Variants in ANKRD30BL observed in about 807,000 individuals in gnomAD.
The protein encoded by ANKRD30BL is putative ankyrin repeat domain-containing protein 30B-like.
A neutral mutation model predicts 18.4 loss-of-function variants in ANKRD30BL; 20 were observed. The ratio of observed to expected loss-of-function variants is 1.09; its 90% CI spans 0.77 to 1.58. The LOEUF (loss-of-function observed/expected upper bound fraction) is 1.58. ANKRD30BL is among the 40% of genes most tolerant of loss of function. The pLI is 0.00. For missense variants in ANKRD30BL, 224 were observed against 268.6 expected, an observed-to-expected ratio of 0.83 and a Z score of 1.16; for synonymous variants, 72 against 100.9, an observed-to-expected ratio of 0.71 and a Z score of 1.72.
In ANKRD30BL at chr2:132,224,575, C is replaced by T. The variant is rs568785834; in HGVS notation, n.441+32954G>A. Among the ~76,000 whole-genome samples the T allele has an allele frequency of 3.2e-3, 490 of 152,208 alleles. 4 individuals are homozygous for T. Among genetic ancestry groups the T allele is most frequent in the African/African-American group, 0.011 (475 of 41,536 alleles). ...CTTTTGATAGAGCAGGTTTGAAACACTCATTTTGTAGAATCTCCAAATGGA... is the reference window on the plus strand; with the variant it reads ...CTTTTGATAGAGCAGGTTTGAAACATTCATTTTGTAGAATCTCCAAATGGA... On this transcript the variant is annotated intron_variant and non_coding_transcript_variant, in intron 1 of 4. Transcript: ENST00000470729.
chr2:132,252,219 C>T (rs76727598), intron 1 of ANKRD30BL, among the ~76,000 whole-genome samples: 1 of 152,222 alleles, frequency 6.6e-6, no homozygotes, highest in African/African-American at 2.4e-5. Flanking sequence ...TACTGGGAGG[C>T]CACCCCTACA....
At position 132,175,713 on chromosome 2, in the gene ANKRD30BL, C is replaced by T. The variant is rs190391482; in HGVS notation, n.442-18567G>A. ...CGGCTTTCCAGGGCAGAGGTCCCTG[C>T]GGCTTTCCGCAGTGCATTGTGCCCC... On this transcript the variant is annotated intron_variant and non_coding_transcript_variant, in intron 1 of 4. Coordinates refer to the ANKRD30BL transcript ENST00000470729. Among the ~76,000 whole-genome samples the T allele has an allele frequency of 2.7e-3, 413 of 152,350 alleles. 4 individuals carry two copies. The highest frequency in any genetic ancestry group is 3.4e-3 in the Middle Eastern group (1 of 294).
rs577295160 is a variant in ANKRD30BL, at chr2:132,239,777, C to A, written n.441+17752G>T. On this transcript the variant is annotated intron_variant and non_coding_transcript_variant, in intron 1 of 4. Transcript: ENST00000470729. Reference sequence around the variant, plus strand: ...AGTTTCACTAAGTGGACATTTGGAGCGCTTTGAGGCCTAGGGTGAAAAAGG... The same window carrying A: ...AGTTTCACTAAGTGGACATTTGGAGAGCTTTGAGGCCTAGGGTGAAAAAGG... Among the ~76,000 whole-genome samples, 23 of 151,142 alleles carry A rather than the reference C, an allele frequency of 1.5e-4. 1 individual carries two copies. Among genetic ancestry groups the A allele is most frequent in the African/African-American group, 5.6e-4 (23 of 41,228 alleles).
intron 1 of ANKRD30BL, among the ~76,000 whole-genome samples, chr2:132,225,992 G>A (rs1289364489): frequency 1.3e-5 from 2 of 152,002 alleles, no homozygotes; most frequent in Non-Finnish European, 2.9e-5. Context: ...TGAGGCCTAT[G>A]TTGGAAAAGG....
chr2:132,209,882 T>C (rs1679297733), intron 1 of ANKRD30BL, among the ~76,000 whole-genome samples: 1 of 152,096 alleles, frequency 6.6e-6, no homozygotes, highest in African/African-American at 2.4e-5. Flanking sequence ...ACAGAAGCAT[T>C]CTGAGAAACT....
chr2:132,198,327 T>TCTTTCTTTCC (rs1230671782), intron 1 of ANKRD30BL, among the ~76,000 whole-genome samples: 1 of 122,970 alleles, frequency 8.1e-6, no homozygotes, highest in Non-Finnish European at 1.6e-5. Context: ...TTTCTTTCTT[T>TCTTTCTTTCC]TTTTTTTTTT....
At chr2:132,239,104 C>A (rs571156412) in intron 1 of ANKRD30BL, among the ~76,000 whole-genome samples, 2 of 151,256 alleles carry the variant, frequency 1.3e-5, no homozygotes, top group Admixed American at 6.6e-5. Flanking sequence ...AGCGCTTTAG[C>A]GCCTGTGGTA....
intron 1 of ANKRD30BL, among the ~76,000 whole-genome samples, chr2:132,230,363 C>A (rs1278740999): frequency 2.0e-5 from 3 of 151,660 alleles, no homozygotes; most frequent in Non-Finnish European, 4.4e-5. Flanking sequence ...GTACATTCAA[C>A]TCACAGAGTT....
At chr2:132,205,052 A>G (rs1042182943) in intron 1 of ANKRD30BL, among the ~76,000 whole-genome samples, 1 of 152,242 alleles carries the variant, frequency 6.6e-6, no homozygotes, top group African/African-American at 2.4e-5. Context: ...TGGGAATTTT[A>G]TACACATATG....
intron 1 of ANKRD30BL, among the ~76,000 whole-genome samples, chr2:132,194,045 T>C (rs1002055479): frequency 1.5e-5 from 2 of 129,114 alleles, no homozygotes; most frequent in African/African-American, 6.6e-5. Context: ...TCTCTCTCTC[T>C]CTCTCTCTCT....
intron 1 of ANKRD30BL, among the ~76,000 whole-genome samples, chr2:132,189,962 C>A (rs1011183559): frequency 4.0e-5 from 6 of 151,884 alleles, no homozygotes; most frequent in African/African-American, 1.4e-4. Flanking sequence ...TATAGCACAG[C>A]AAATCAAAGG....
chr2:132,171,086 C>T (rs1213145037), intron 1 of ANKRD30BL, among the ~76,000 whole-genome samples: 2 of 149,646 alleles, frequency 1.3e-5, no homozygotes, highest in Non-Finnish European at 3.0e-5. Flanking sequence ...AACCCGGAGG[C>T]GGAGCCTGCA....
chr2:132,205,156 A>C (rs1679185713), intron 1 of ANKRD30BL, among the ~76,000 whole-genome samples: 2 of 152,128 alleles, frequency 1.3e-5, no homozygotes, highest in South Asian at 4.1e-4. Context: ...GGTATGCAGA[A>C]TTTTCTAAGC....
chr2:132,226,048 A>C (rs76080955), intron 1 of ANKRD30BL, among the ~76,000 whole-genome samples: 1 of 151,304 alleles, frequency 6.6e-6, no homozygotes, highest in Non-Finnish European at 1.5e-5. Context: ...TCAAAAACTT[A>C]TTTGTGATGT....
chr2:132,180,358 TC>T (rs1481482301), intron 1 of ANKRD30BL, among the ~76,000 whole-genome samples: 2 of 152,166 alleles, frequency 1.3e-5, no homozygotes, highest in East Asian at 3.9e-4. Context: ...CTGCATATAC[TC>T]TACCATATAC....
chr2:132,255,478 G>A (rs866391897), intron 1 of ANKRD30BL, among the ~76,000 whole-genome samples: 20 of 150,300 alleles, frequency 1.3e-4, no homozygotes, highest in Middle Eastern at 3.4e-3. Context: ...GCAGGGACGG[G>A]CTGTGGCTCG....
chr2:132,201,513 T>TA (rs1193575775), intron 1 of ANKRD30BL, among the ~76,000 whole-genome samples: 5 of 152,318 alleles, frequency 3.3e-5, no homozygotes, highest in African/African-American at 1.2e-4. Flanking sequence ...AAAGAAGACA[T>TA]TTATGCAGGC....
intron 1 of ANKRD30BL, among the ~76,000 whole-genome samples, chr2:132,253,962 G>A (rs1353080083): frequency 5.3e-5 from 8 of 151,868 alleles, no homozygotes; most frequent in Non-Finnish European, 8.8e-5. Context: ...CAAAGGGAGT[G>A]GGCAGGATGG....
intron 1 of ANKRD30BL, among the ~76,000 whole-genome samples, chr2:132,220,690 C>T (rs1679650060): frequency 6.6e-6 from 1 of 152,126 alleles, no homozygotes; most frequent in Non-Finnish European, 1.5e-5. Flanking sequence ...GGCTGGAGTG[C>T]AGTGGCGTGA....
Sources: allele counts gnomAD v4.1 joint callset (sites outside exome capture counted in the v4.1 genomes callset), GRCh38; gene constraint gnomAD v4.1.1; transcripts MANE v1.5; gene names NCBI Gene and HGNC (gene_info 2026-07-23, HGNC 2026-07-21).